A2ML1: variants seen among roughly 807,000 people sequenced by gnomAD.
The protein encoded by A2ML1 is alpha-2-macroglobulin-like protein 1.
A neutral mutation model predicts 181.9 loss-of-function variants in A2ML1; 161 were observed. The ratio of observed to expected loss-of-function variants is 0.89; its 90% CI spans 0.78 to 1.01. The LOEUF (loss-of-function observed/expected upper bound fraction) is 1.01, where lower values mean the gene tolerates loss of function less well. Ranked by LOEUF, A2ML1 falls within the 50% of genes least tolerant of loss-of-function variation. The probability of loss-of-function intolerance (pLI) is 0.00; values close to 1 mark genes in which losing one functional copy is unlikely to be tolerated. For synonymous variants in A2ML1, 663 were observed against 666.8 expected (o/e 0.99, Z 0.09); for missense variants, 1,670 against 1,768.1 (o/e 0.94, Z 1.00).
rs777205808 is a variant in A2ML1, at chr12:8,863,811, A to G, written c.3520A>G (p.Ser1174Gly). Reference protein sequence around the residue: ...AIISGESIYWSQKPTPSSNAS... With the variant: ...AIISGESIYWGQKPTPSSNAS... Reference sequence around the variant, plus strand: ...TTCCATAGGAGAATCCATTTACTGGAGCCAGAAACCTACTCCATCATCGAA... The same window carrying G: ...TTCCATAGGAGAATCCATTTACTGGGGCCAGAAACCTACTCCATCATCGAA... Residue 1174 changes from serine to glycine, a missense_variant, in exon 29 of 36, where the codon AGC (serine) becomes GGC (glycine). Transcript: ENST00000299698. 2.5e-6 allele frequency: 4 copies of G among 1,614,238 alleles called. No homozygotes were observed. The highest frequency in any genetic ancestry group is 3.4e-6 in the Non-Finnish European group (4 of 1,180,036).
chr12:8,854,832 G>C lies in A2ML1; in HGVS notation c.2764+1G>C, dbSNP rs773034576. The C allele has an allele frequency of 6.2e-7, 1 of 1,613,980 alleles. No individual in the cohort carries two copies. Among genetic ancestry groups the C allele is most frequent in the Non-Finnish European group, 8.5e-7 (1 of 1,180,024 alleles). ...CACAGCTCATTGCTGTGCCCAAAAG[G>C]TGGGTGGACTCAGAGCAGGATTGGT... is the stretch of plus-strand genomic sequence containing the variant. On this transcript the variant is annotated splice_donor_variant, in intron 22 of 35. Coordinates refer to ENST00000299698, the MANE Select transcript of A2ML1 (RefSeq NM_144670.6). LOFTEE classifies it high-confidence loss of function.
At chr12:8,831,624 C>T (rs193244535) in intron 4 of A2ML1, among the ~76,000 whole-genome samples, 30 of 152,282 alleles carry the variant, frequency 2.0e-4, no homozygotes, top group African/African-American at 7.2e-4. Context: ...GTTGATTTAT[C>T]GAGACAGGGG....
At position 8,847,555 on chromosome 12, in the gene A2ML1, C is replaced by T. The variant is rs766644175; in HGVS notation, c.1690C>T (p.Leu564Phe). 6.2e-7 allele frequency: 1 copy of T among 1,608,812 alleles called. No individual in the cohort carries two copies. Among genetic ancestry groups the T allele is most frequent in the South Asian group, 1.1e-5 (1 of 90,172 alleles). ...ATACCTTTCCCTTCCCCAGGTTTCC[C>T]TTGGCTTCTCCCCCTCCCAGCAGCT... is the stretch of plus-strand genomic sequence containing the variant. ...VEMCFDNQVSLGFSPSQQLPG... is the reference protein window; with the variant it reads ...VEMCFDNQVSFGFSPSQQLPG... Residue 564 changes from leucine (L) to phenylalanine (F), a missense_variant, in exon 15 of 36, where the codon CTT (leucine) becomes TTT (phenylalanine). Physicochemically the swap from Leu to Phe is conservative, Grantham distance 22 (BLOSUM62 0). Transcript: ENST00000299698.
In A2ML1 at chr12:8,854,208, A is replaced by G. The variant is rs1943984498; in HGVS notation, c.2671A>G (p.Lys891Glu). The G allele has an allele frequency of 6.2e-7, 1 of 1,609,652 alleles. No individual in the cohort carries two copies. Among genetic ancestry groups the G allele is most frequent in the African/African-American group, 1.3e-5 (1 of 74,852 alleles). Residue 891 changes from lysine (K) to glutamate (E), a missense_variant, in exon 21 of 36, where the codon AAG becomes GAG. Transcript: ENST00000299698. ...GGGCCAGAAGGGGTTTGTTCCCCAA[A>G]AGGGCCGAAGTGACACGCTCATCAA... is the stretch of plus-strand genomic sequence containing the variant. ...CGGQKGFVPQ[K>E]GRSDTLIKPV...
chr12:8,828,916 T>A (rs1194631832), intron 3 of A2ML1, among the ~76,000 whole-genome samples: 2 of 152,212 alleles, frequency 1.3e-5, no homozygotes, highest in African/African-American at 4.8e-5. Flanking sequence ...TGCTTTCCCC[T>A]GTGATTGGGC....
chr12:8,836,667 A>G (rs919919312), intron 7 of A2ML1, among the ~76,000 whole-genome samples: 3 of 151,980 alleles, frequency 2.0e-5, no homozygotes, highest in African/African-American at 4.8e-5. Context: ...TATTTTTAGT[A>G]GAGATGGGAT....
chr12:8,843,026 G>C, intron 11 of A2ML1, 108 bp from the exon 12 acceptor site: 1 of 946,216 alleles, frequency 1.1e-6, no homozygotes, highest in Non-Finnish European at 1.6e-6. Context: ...CCATTCTCAG[G>C]CAGTGAAGAT....
chr12:8,847,291 T>C (rs1943725150), intron 14 of A2ML1, among the ~76,000 whole-genome samples: 2 of 150,156 alleles, frequency 1.3e-5, no homozygotes, highest in African/African-American at 2.4e-5. Context: ...ACATGTTCTA[T>C]ATAGTTATTC....
chr12:8,825,933 G>T (rs772509891), intron 3 of A2ML1, among the ~76,000 whole-genome samples: 1 of 152,072 alleles, frequency 6.6e-6, no homozygotes, highest in African/African-American at 2.4e-5. Context: ...TCTCTATTCT[G>T]TTCCATTGGT....
intron 12 of A2ML1, among the ~76,000 whole-genome samples, chr12:8,844,111 C>T (rs1943586031): frequency 6.6e-6 from 1 of 151,754 alleles, no homozygotes; most frequent in Non-Finnish European, 1.5e-5. Flanking sequence ...GAAAGAGATT[C>T]TGAGCAGGAA....
intron 17 of A2ML1, 38 bp from the exon 18 acceptor site, chr12:8,850,119 TCTC>T: frequency 6.9e-7 from 1 of 1,457,982 alleles, no homozygotes; most frequent in South Asian, 1.2e-5. Context: ...CAACAAGAAG[TCTC>T]CTGTTTCCTA....
At position 8,854,821 on chromosome 12, in the gene A2ML1, G is replaced by A. The variant is rs1944005841; in HGVS notation, c.2754G>A (p.Leu918=). Residue 918 remains leucine, a synonymous_variant, in exon 22 of 36, where the codon CTG becomes CTA. Coordinates refer to ENST00000299698, the MANE Select transcript of A2ML1 (RefSeq NM_144670.6). The stretch of plus-strand genomic sequence containing the variant: ...TGGAGAAGACACACAGCTCATTGCT[G>A]TGCCCAAAAGGTGGGTGGACTCAGA... ...VLVEKTHSSL[L]CPKGKVASES... is the part of the protein sequence containing the mutation. 2 of 1,613,910 alleles carry A rather than the reference G, an allele frequency of 1.2e-6. No individual in the cohort carries two copies. Among genetic ancestry groups the A allele is most frequent in the Non-Finnish European group, 1.7e-6 (2 of 1,180,040 alleles).
chr12:8,837,357 G>A, intron 7 of A2ML1, 83 bp from the exon 8 acceptor site: 1 of 1,562,036 alleles, frequency 6.4e-7, no homozygotes, highest in Non-Finnish European at 8.7e-7. Context: ...TGGAGTGTGA[G>A]AGGGAAGAAG....
At chr12:8,871,550 T>G (rs1944622147) in intron 33 of A2ML1, among the ~76,000 whole-genome samples, 1 of 152,074 alleles carries the variant, frequency 6.6e-6, no homozygotes, top group Non-Finnish European at 1.5e-5. Context: ...TGACCTCAAG[T>G]GATCTGCCTG....
At chr12:8,851,587 G>T (rs971742460) in intron 18 of A2ML1, among the ~76,000 whole-genome samples, 197 bp from the exon 19 acceptor site, 5 of 152,104 alleles carry the variant, frequency 3.3e-5, no homozygotes, top group Admixed American at 6.6e-5. Flanking sequence ...TAAATTTTTG[G>T]TAGAAATAGG....
Position 8,846,061 on chromosome 12 carries a change from C to CA in A2ML1, c.1538-16_1538-15insA. 6.2e-7 allele frequency: 1 copy of CA among 1,613,822 alleles called. No homozygotes were observed. Among genetic ancestry groups the CA allele is most frequent in the Non-Finnish European group, 8.5e-7 (1 of 1,179,878 alleles). On this transcript the variant is annotated splice_polypyrimidine_tract_variant and intron_variant, in intron 13 of 35. Transcript: ENST00000299698. ...GTGCATTCTGATTTTCCTGTATATT[C>CA]CCTCTTCTCTTTCAGGACTGAAAGC... is the stretch of plus-strand genomic sequence containing the variant.
intron 6 of A2ML1, 40 bp from the exon 7 acceptor site, chr12:8,836,215 C>A: frequency 6.4e-7 from 1 of 1,556,934 alleles, no homozygotes. Flanking sequence ...ACTGATTCCT[C>A]CTCCAGTGCT....
At chr12:8,832,142 T>C (rs1322796883) in intron 4 of A2ML1, among the ~76,000 whole-genome samples, 2 of 152,052 alleles carry the variant, frequency 1.3e-5, no homozygotes. Flanking sequence ...TCATAGATGG[T>C]CAAAGTGAGG....
At chr12:8,858,315 GC>G (rs1419402683) in intron 26 of A2ML1, 1 of 510,778 alleles carries the variant, frequency 2.0e-6, no homozygotes, top group Admixed American at 3.5e-5. Flanking sequence ...GGGTGCAGTG[GC>G]TCATGCCTGT....
Sources: gnomAD v4.1 joint callset for allele counts (sites outside exome capture counted in the v4.1 genomes callset) on GRCh38, gnomAD v4.1.1 for gene constraint, MANE v1.5 for transcripts, NCBI Gene and HGNC (gene_info 2026-07-23, HGNC 2026-07-21) for gene names.